The following PLK1 variants were observed in gnomAD, a reference collection of about 807,000 sequenced individuals.
PLK1 encodes the protein polo like kinase 1, also known as serine/threonine-protein kinase PLK1.
A neutral mutation model predicts 56.7 loss-of-function variants in PLK1; 6 were observed. The observed-to-expected ratio is 0.11, with a 90% CI of 0.06 to 0.21. The LOEUF is 0.21. PLK1 is among the 10% of genes least tolerant of loss of function. The pLI, the probability that PLK1 is intolerant of heterozygous loss-of-function variation, is 1.00. For missense variants in PLK1, 546 were observed against 814.4 expected, an observed-to-expected ratio of 0.67 and a Z score of 4.01; for synonymous variants, 298 against 325.0, an observed-to-expected ratio of 0.92 and a Z score of 0.89.
At chr16:23,685,852 A>G (rs1383488349) in intron 5 of PLK1, among the ~76,000 whole-genome samples, 4 of 151,892 alleles carry the variant, frequency 2.6e-5, no homozygotes, top group Non-Finnish European at 5.9e-5. Flanking sequence ...CCCTGCCTAG[A>G]ATGATGTTCT....
chr16:23,682,104 T>G lies in PLK1; in HGVS notation c.763T>G (p.Cys255Gly). 6.2e-7 allele frequency: 1 copy of G among 1,608,718 alleles called. No homozygotes were observed. The highest frequency in any genetic ancestry group is 2.2e-5 in the East Asian group (1 of 44,856). ...LVGKPPFETS[C>G]LKETYLRIKK... Reference sequence around the variant, plus strand: ...GGGCAAACCACCTTTTGAGACTTCTTGCCTAAAAGAGACCTACCTCCGGAT... The same window carrying G: ...GGGCAAACCACCTTTTGAGACTTCTGGCCTAAAAGAGACCTACCTCCGGAT... The change falls in exon 4 of 10, where the codon TGC (cysteine) becomes GGC (glycine). Residue 255 changes from cysteine to glycine, a missense_variant. Cys to Gly is a radical substitution (Grantham distance 159). Around this residue, in one of 7 missense-constraint regions of PLK1, gnomAD observed 21 missense variants for 58.4 expected, o/e 0.36. Coordinates refer to ENST00000300093, the MANE Select transcript of PLK1 (RefSeq NM_005030.6).
intron 5 of PLK1, among the ~76,000 whole-genome samples, chr16:23,685,753 T>A (rs1241889436): frequency 6.6e-6 from 1 of 152,026 alleles, no homozygotes; most frequent in East Asian, 1.9e-4. Flanking sequence ...GATCTCACTA[T>A]GTCGACCAGG....
chr16:23,683,280 C>A (rs1249541890), intron 4 of PLK1, among the ~76,000 whole-genome samples: 1 of 152,142 alleles, frequency 6.6e-6, no homozygotes, highest in Admixed American at 6.5e-5. Flanking sequence ...GCGTGAGCCA[C>A]CGCGCCCGGC....
At chr16:23,682,622 A>T (rs1959350938) in intron 4 of PLK1, among the ~76,000 whole-genome samples, 1 of 151,070 alleles carries the variant, frequency 6.6e-6, no homozygotes, top group Non-Finnish European at 1.5e-5. Context: ...TCCCAGGTTC[A>T]AGCGATTCTC....
chr16:23,682,601 C>G (rs572082985), intron 4 of PLK1, among the ~76,000 whole-genome samples: 8 of 150,178 alleles, frequency 5.3e-5, no homozygotes, highest in African/African-American at 2.0e-4. Context: ...TGACTCACTG[C>G]AACCTCCACC....
chr16:23,688,447 G>T (rs564856373), intron 6 of PLK1, among the ~76,000 whole-genome samples: 1 of 152,260 alleles, frequency 6.6e-6, no homozygotes, highest in Admixed American at 6.5e-5. Context: ...TTGGTGCGCT[G>T]TGCTGAGACT....
At chr16:23,686,588 G>A (rs996053699) in intron 5 of PLK1, among the ~76,000 whole-genome samples, 5 of 152,156 alleles carry the variant, frequency 3.3e-5, no homozygotes, top group African/African-American at 4.8e-5. Context: ...CACCTCCTGC[G>A]TTCAAGTGAC....
At chr16:23,686,766 C>T (rs1023559597) in intron 5 of PLK1, among the ~76,000 whole-genome samples, 2 of 152,222 alleles carry the variant, frequency 1.3e-5, no homozygotes, top group African/African-American at 4.8e-5. Context: ...GTTGGGATTA[C>T]AAGTGTGAGC....
At chr16:23,679,769 A>G in intron 1 of PLK1, 1 of 307,408 alleles carries the variant, frequency 3.3e-6, no homozygotes, top group Non-Finnish European at 6.1e-6. Flanking sequence ...GAGTCAGGAA[A>G]GGGATCTGGT....
Position 23,689,442 on chromosome 16 carries a change from T to A in PLK1, c.1425+50T>A. 6.2e-7 allele frequency: 1 copy of A among 1,601,146 alleles called. No individual in the cohort carries two copies. Among genetic ancestry groups the A allele is most frequent in the Non-Finnish European group, 8.6e-7 (1 of 1,169,158 alleles). On this transcript the variant is annotated intron_variant, in intron 8 of 9. Transcript: ENST00000300093. The surrounding 1 kb of genome is among the most constrained non-coding windows in gnomAD (Gnocchi z 4.8). ...GGTGGTGTTGCAGAAGTGGGACCTG[T>A]GCTGGAGGATCAGACTCTAATTCTG... is the stretch of plus-strand genomic sequence containing the variant.
chr16:23,680,411 A>G (rs1391116100), intron 2 of PLK1, among the ~76,000 whole-genome samples, 159 bp downstream of exon 2: 1 of 152,154 alleles, frequency 6.6e-6, no homozygotes, highest in Non-Finnish European at 1.5e-5. Flanking sequence ...TTTACAAAGA[A>G]TTTGAATTTG....
intron 3 of PLK1, 78 bp downstream of exon 3, chr16:23,681,136 C>T: frequency 2.3e-6 from 3 of 1,309,728 alleles, no homozygotes; most frequent in Non-Finnish European, 3.3e-6. Context: ...CTGACCTTTT[C>T]TGTGGACCTT....
chr16:23,679,534 G>GA, intron 1 of PLK1, 194 bp downstream of exon 1: 1 of 580,578 alleles, frequency 1.7e-6, no homozygotes, highest in African/African-American at 1.9e-5. Flanking sequence ...GCTGCTAGAG[G>GA]AGGGGGTTCC....
chr16:23,681,324 G>A (rs970309244), intron 3 of PLK1, among the ~76,000 whole-genome samples: 5 of 152,196 alleles, frequency 3.3e-5, no homozygotes, highest in African/African-American at 1.2e-4. Flanking sequence ...CTTTGCTAGA[G>A]TTGTCCACAG....
rs1428414613 is a variant in PLK1, at chr16:23,680,159, C to T, written c.484C>T (p.Leu162Phe). The T allele has an allele frequency of 3.1e-6, 5 of 1,613,946 alleles. No homozygotes were observed. The highest frequency in any genetic ancestry group is 4.2e-6 in the Non-Finnish European group (5 of 1,179,874). Reference sequence around the variant, plus strand: ...CCGATACTACCTACGGCAAATTGTGCTTGGCTGCCAGTACCTGCACCGAAA... The same window carrying T: ...CCGATACTACCTACGGCAAATTGTGTTTGGCTGCCAGTACCTGCACCGAAA... ...EARYYLRQIV[L>F]GCQYLHRNRV... Residue 162 changes from leucine (L) to phenylalanine (F), a missense_variant, in exon 2 of 10, where the codon CTT becomes TTT. Physicochemically the swap from Leu to Phe is conservative, Grantham distance 22 (BLOSUM62 0). Coordinates refer to ENST00000300093, the MANE Select transcript of PLK1 (RefSeq NM_005030.6).
intron 6 of PLK1, chr16:23,687,828 C>T (rs766902203): frequency 1.8e-5 from 7 of 387,226 alleles, no homozygotes; most frequent in African/African-American, 8.3e-5. Flanking sequence ...TCTAGCACCT[C>T]GATGTGCCAC....
In PLK1 at chr16:23,681,100, G is replaced by A; in HGVS notation, c.722+42G>A. The A allele has an allele frequency of 1.9e-6, 3 of 1,577,834 alleles. No individual in the cohort carries two copies. The South Asian group carries it at 3.4e-5, about 18-fold the overall frequency. ...CTCTGGACCAACCTGGTCTCAGCAG[G>A]GGCAACTTTGGGACATCCTACCTGG... is the stretch of plus-strand genomic sequence containing the variant. On this transcript the variant is annotated intron_variant, in intron 3 of 9. Coordinates refer to ENST00000300093, the MANE Select transcript of PLK1 (RefSeq NM_005030.6).
rs1020229979 is a variant in PLK1 at position 23,689,729 on chromosome 16, C to G, written c.1608+53C>G. ...GAGAGCTGGGGTAGGCTCCGCATGC[C>G]TGGCAGTGGCCCATGTGGGTTGAAT... On this transcript the variant is annotated intron_variant, in intron 9 of 9. Coordinates refer to ENST00000300093, the MANE Select transcript of PLK1 (RefSeq NM_005030.6). This position sits in a 1 kb window ranked among gnomAD's most constrained non-coding sequence, Gnocchi z 4.8. The G allele has an allele frequency of 1.5e-5, 23 of 1,559,422 alleles. No individual in the cohort carries two copies. The African/African-American group carries it at 2.8e-4, about 19-fold the overall frequency.
chr16:23,683,065 A>C (rs920007175), intron 4 of PLK1, among the ~76,000 whole-genome samples: 1 of 133,202 alleles, frequency 7.5e-6, no homozygotes, highest in Non-Finnish European at 1.5e-5. Flanking sequence ...ATCTCGGCTC[A>C]CTGCAAGCTC....
Sources: gnomAD v4.1 joint callset for allele counts (sites outside exome capture counted in the v4.1 genomes callset) on GRCh38, gnomAD v4.1.1 for gene constraint, gnomAD v4.1.1 regional missense constraint, Gnocchi (gnomAD v3.1) non-coding constraint, MANE v1.5 for transcripts, NCBI Gene and HGNC (gene_info 2026-07-23, HGNC 2026-07-21) for gene names.